Variants in EML2 observed in about 807,000 individuals in gnomAD.
EML2 encodes echinoderm microtubule-associated protein-like 2.
A neutral mutation model predicts 84.7 loss-of-function variants in EML2; 59 were observed. That is an observed-to-expected ratio of 0.70 (90% confidence interval 0.56 to 0.86). The LOEUF (loss-of-function observed/expected upper bound fraction) is 0.86, where lower values mean the gene tolerates loss of function less well. EML2 is among the 40% of genes least tolerant of loss of function. The pLI, the probability that EML2 is intolerant of heterozygous loss-of-function variation, is 0.00. For missense variants in EML2, 818 were observed against 855.6 expected (o/e 0.96, Z 0.55); for synonymous variants, 352 against 348.9 (o/e 1.01, Z -0.10).
upstream of EML2, chr19:45,643,841 G>A: frequency 1.5e-6 from 2 of 1,316,050 alleles, no homozygotes; most frequent in South Asian, 3.0e-5. Flanking sequence ...GCAGAGGGAG[G>A]TGGGAGCCTC....
At chr19:45,642,138 G>A (rs1264642990), upstream of EML2, 56 of 1,504,772 alleles carry the variant, frequency 3.7e-5, no homozygotes, top group Non-Finnish European at 4.8e-5. Flanking sequence ...GGATACCCGA[G>A]GCAGTGGTGC....
intron 9 of EML2, among the ~76,000 whole-genome samples, chr19:45,622,315 T>C (rs1971807856): frequency 6.6e-6 from 1 of 152,122 alleles, no homozygotes; most frequent in Non-Finnish European, 1.5e-5. Flanking sequence ...TAGCCATTCA[T>C]CCACCCATCT....
chr19:45,616,097 A>G (rs1029103703), intron 15 of EML2: 4 of 588,048 alleles, frequency 6.8e-6, no homozygotes, highest in Non-Finnish European at 1.2e-5. Flanking sequence ...AGGGCTAGAC[A>G]AAAAGCACTT....
At position 45,638,890 on chromosome 19, in the gene EML2, A is replaced by C. The variant is rs1046333758; in HGVS notation, c.21-17T>G. 5 of 1,613,832 alleles carry C rather than the reference A, an allele frequency of 3.1e-6. No individual in the cohort carries two copies. Among genetic ancestry groups the C allele is most frequent in the Non-Finnish European group, 4.2e-6 (5 of 1,179,990 alleles). On this transcript the variant is annotated splice_polypyrimidine_tract_variant and intron_variant, in intron 1 of 18. Coordinates refer to ENST00000245925, the MANE Select transcript of EML2 (RefSeq NM_012155.4). The stretch of plus-strand genomic sequence containing the variant: ...TTGGTTTTGCTGTCAGGAAAGGACA[A>C]AGAAAAAAAAAGGGTCTTAGTATTC...
At chr19:45,640,868 A>T (rs889451994), upstream of EML2, 2 of 152,250 alleles carry the variant, frequency 1.3e-5, no homozygotes, top group Non-Finnish European at 2.9e-5. Context: ...GATCTTCAGT[A>T]TGGCCCCGCC....
upstream of EML2, chr19:45,641,366 G>A (rs1974474318): frequency 9.0e-6 from 4 of 443,392 alleles, no homozygotes; most frequent in South Asian, 4.9e-5. Flanking sequence ...ACGCCCATAA[G>A]CCAAGCTCCT....
intron 4 of EML2, among the ~76,000 whole-genome samples, chr19:45,633,946 G>T (rs938424094): frequency 1.3e-5 from 2 of 152,110 alleles, no homozygotes; most frequent in African/African-American, 2.4e-5. Context: ...GGCATTGCGT[G>T]AATTCACTGT....
upstream of EML2, chr19:45,642,340 G>T: frequency 6.5e-7 from 1 of 1,531,178 alleles, no homozygotes; most frequent in South Asian, 1.2e-5. Context: ...GCTCGTGCCC[G>T]ACAAATTGTC....
At chr19:45,642,149 C>T (rs758858823), upstream of EML2, 2 of 1,512,280 alleles carry the variant, frequency 1.3e-6, no homozygotes, top group South Asian at 1.2e-5. Context: ...GCAGTGGTGC[C>T]TAAGCGCGGA....
At chr19:45,622,899 A>G (rs981853515) in intron 9 of EML2, among the ~76,000 whole-genome samples, 1 of 150,514 alleles carries the variant, frequency 6.6e-6, no homozygotes, top group East Asian at 2.0e-4. Flanking sequence ...AATACAAAAA[A>G]TTAGCCGGGA....
rs541523085 is a variant in EML2, at chr19:45,631,244, C to A, written c.511-1198G>T. Among the ~76,000 whole-genome samples the A allele has an allele frequency of 2.6e-4, 39 of 152,092 alleles. No homozygotes were observed. The South Asian group carries it at 7.9e-3, about 31-fold the overall frequency. ...CACCTTTGGTAACAATATGGCTTACCCCTACCCCAAGCTCTTAAATGTTTC... is the reference window on the plus strand; with the variant it reads ...CACCTTTGGTAACAATATGGCTTACACCTACCCCAAGCTCTTAAATGTTTC... On this transcript the variant is annotated intron_variant, in intron 6 of 18. Coordinates refer to ENST00000245925, the MANE Select transcript of EML2 (RefSeq NM_012155.4).
chr19:45,645,167 C>A (rs2039302975), upstream of EML2: 1 of 1,290,562 alleles, frequency 7.7e-7, no homozygotes, highest in African/African-American at 1.5e-5. Flanking sequence ...AAAGGGGGAT[C>A]TTCAGCAAGG....
intron 3 of EML2, among the ~76,000 whole-genome samples, chr19:45,634,970 C>T (rs1260394654): frequency 6.6e-6 from 1 of 152,118 alleles, no homozygotes; most frequent in African/African-American, 2.4e-5. Flanking sequence ...CCTGCCTCAG[C>T]CTCCTGAGTA....
intron 18 of EML2, among the ~76,000 whole-genome samples, chr19:45,613,266 A>G (rs1970679090): frequency 1.3e-5 from 2 of 152,194 alleles, no homozygotes; most frequent in Admixed American, 6.5e-5. Context: ...GTAGGTGCTC[A>G]ATAAATATTT....
chr19:45,623,554 A>G (rs892198403), intron 9 of EML2: 1 of 150,786 alleles, frequency 6.6e-6, no homozygotes, highest in Middle Eastern at 3.4e-3. Flanking sequence ...ATTAAAAAAA[A>G]ATTTTTTTTT....
Position 45,635,331 on chromosome 19 carries a change from G to A in EML2, c.180-860C>T, listed in dbSNP as rs1022834715. On this transcript the variant is annotated intron_variant, in intron 3 of 18. Transcript: ENST00000245925. ...TTTTTGTATTTTTAGTAGAGATGGGGTTTCACCATATTGGTCAGGGTGGTC... is the reference window on the plus strand; with the variant it reads ...TTTTTGTATTTTTAGTAGAGATGGGATTTCACCATATTGGTCAGGGTGGTC... Among the ~76,000 whole-genome samples, 12 of 151,894 alleles carry A rather than the reference G, an allele frequency of 7.9e-5. No individual in the cohort carries two copies. The East Asian group carries it at 9.7e-4, about 12-fold the overall frequency.
At chr19:45,630,168 G>C (rs373101065) in intron 6 of EML2, 122 bp from the exon 7 acceptor site, 27 of 694,106 alleles carry the variant, frequency 3.9e-5, no homozygotes, top group African/African-American at 3.7e-4. Context: ...GGGCACAGTA[G>C]GTGGGAGGAT....
At chr19:45,626,960 C>CCT in intron 7 of EML2, 121 bp from the exon 8 acceptor site, 1 of 527,624 alleles carries the variant, frequency 1.9e-6, no homozygotes, top group Non-Finnish European at 2.8e-6. Flanking sequence ...CTGAACTTTT[C>CCT]TTTTTTTTTT....
At chr19:45,616,058 A>G in intron 15 of EML2, 169 bp from the exon 16 acceptor site, 2 of 626,444 alleles carry the variant, frequency 3.2e-6, no homozygotes, top group East Asian at 2.8e-5. Context: ...GGGCCAGAAT[A>G]CTGTGGGCGG....
Sources: allele counts gnomAD v4.1 joint callset (sites outside exome capture counted in the v4.1 genomes callset), GRCh38; gene constraint gnomAD v4.1.1; transcripts MANE v1.5; gene names NCBI Gene and HGNC (gene_info 2026-07-23, HGNC 2026-07-21).